The following KMT2C variants were observed in gnomAD, a reference collection of about 807,000 sequenced individuals.
KMT2C encodes the protein histone-lysine N-methyltransferase 2C.
A neutral mutation model predicts 507.9 loss-of-function variants in KMT2C; 88 were observed. The ratio of observed to expected loss-of-function variants is 0.17; its 90% CI spans 0.15 to 0.21. The LOEUF is 0.21. KMT2C is among the 10% of genes least tolerant of loss of function. The pLI is 1.00. For synonymous variants in KMT2C, 2,049 were observed against 2,080.8 expected (o/e 0.98, Z 0.42); for missense variants, 4,954 against 5,957.8 (o/e 0.83, Z 5.55).
intron 5 of KMT2C, 90 bp from the exon 6 acceptor site, chr7:152,310,165 C>T: frequency 1.2e-6 from 1 of 819,002 alleles, no homozygotes; most frequent in Non-Finnish European, 2.0e-6. Context: ...AAAATCAACT[C>T]TAATATGTAA....
At chr7:152,153,937 T>C (rs2091853545) in intron 48 of KMT2C, 73 bp downstream of exon 48, 3 of 1,434,340 alleles carry the variant, frequency 2.1e-6, no homozygotes, top group Admixed American at 3.5e-5. Context: ...GTGTGTTTTA[T>C]GGTAGACACC....
At chr7:152,247,125 C>T (rs1327727745) in intron 14 of KMT2C, among the ~76,000 whole-genome samples, 1 of 152,128 alleles carries the variant, frequency 6.6e-6, no homozygotes, top group African/African-American at 2.4e-5. Context: ...ATTAACACTT[C>T]TCCACTATTT....
chr7:152,223,231 C>T (rs2129147162), intron 20 of KMT2C, among the ~76,000 whole-genome samples: 1 of 151,814 alleles, frequency 6.6e-6, no homozygotes, highest in South Asian at 2.1e-4. Context: ...AAGAGTACAA[C>T]AATATACCAA....
At chr7:152,266,206 G>T (rs527719082) in intron 7 of KMT2C, among the ~76,000 whole-genome samples, 1 of 151,632 alleles carries the variant, frequency 6.6e-6, no homozygotes, top group South Asian at 2.1e-4. Flanking sequence ...ATATAAATAT[G>T]CCTGTATTTA....
At position 152,252,656 on chromosome 7, in the gene KMT2C, G is replaced by A. The variant is rs2095580004; in HGVS notation, c.1359C>T (p.Cys453=). The change falls in exon 10 of 59, where the codon TGC becomes TGT. Residue 453 remains cysteine (C), a synonymous_variant. Coordinates refer to ENST00000262189, the MANE Select transcript of KMT2C (RefSeq NM_170606.3). ...TRSSSQWHHN[C]LICDNCYQQQ... Reference sequence around the variant, plus strand: ...GTTGGTAACAATTGTCACATATCAGGCAATTGTGGTGCCACTGAGAACTAG... The same window carrying A: ...GTTGGTAACAATTGTCACATATCAGACAATTGTGGTGCCACTGAGAACTAG... 1 of 1,611,726 alleles carries A rather than the reference G, an allele frequency of 6.2e-7. No individual in the cohort carries two copies. The highest frequency in any genetic ancestry group is 1.7e-5 in the Admixed American group (1 of 59,952).
At position 152,249,786 on chromosome 7, in the gene KMT2C, A is replaced by G; in HGVS notation, c.1813+90T>C. On this transcript the variant is annotated intron_variant, in intron 13 of 58. Coordinates refer to ENST00000262189, the MANE Select transcript of KMT2C (RefSeq NM_170606.3). The stretch of plus-strand genomic sequence containing the variant: ...CTAAAAGATTTAGTTACCGTAATGT[A>G]TATACATACAGCAATCGCAAAAATG... The G allele has an allele frequency of 4.7e-6, 3 of 642,086 alleles. No individual in the cohort carries two copies. The East Asian group carries it at 9.2e-5, about 20-fold the overall frequency. 39.8% of individuals were successfully genotyped at this position (642,086 alleles called of 1,614,324 possible). A position where few individuals can be genotyped will look rare whatever the true frequency, so the allele number is the denominator to read the frequency against.
intron 1 of KMT2C, among the ~76,000 whole-genome samples, chr7:152,396,371 C>G (rs1308101306): frequency 2.0e-5 from 3 of 152,152 alleles, no homozygotes; most frequent in African/African-American, 7.2e-5. Flanking sequence ...GAGATAATAA[C>G]AGTAATTACT....
intron 6 of KMT2C, among the ~76,000 whole-genome samples, chr7:152,278,349 C>T (rs1200478568): frequency 6.6e-6 from 1 of 151,938 alleles, no homozygotes; most frequent in Non-Finnish European, 1.5e-5. Context: ...GGCCTGATCT[C>T]GGCTCACTGC....
intron 6 of KMT2C, among the ~76,000 whole-genome samples, chr7:152,299,875 G>A (rs573725908): frequency 1.3e-5 from 2 of 152,056 alleles, no homozygotes; most frequent in East Asian, 3.9e-4. Context: ...ATGCAAACAG[G>A]TTAAAATAAA....
intron 34 of KMT2C, among the ~76,000 whole-genome samples, chr7:152,184,147 T>C (rs917602101): frequency 2.7e-5 from 4 of 150,942 alleles, no homozygotes; most frequent in African/African-American, 9.8e-5. Context: ...ATCTGGATAT[T>C]TGAAACGTAT....
chr7:152,267,746 A>C (rs911153654), intron 7 of KMT2C, among the ~76,000 whole-genome samples: 1 of 152,198 alleles, frequency 6.6e-6, no homozygotes, highest in African/African-American at 2.4e-5. Flanking sequence ...CCTCTGTATA[A>C]ATTAAAACTC....
intron 31 of KMT2C, among the ~76,000 whole-genome samples, chr7:152,188,944 T>C (rs188539119): frequency 1.4e-3 from 207 of 152,234 alleles, no homozygotes; most frequent in African/African-American, 4.8e-3. Flanking sequence ...TTCTCTAAAT[T>C]AGTTTTGAGT....
rs543424301 is a variant in KMT2C at position 152,408,734 on chromosome 7, T to C, written c.161+26892A>G. ...CACTCCGTGCTCCCCCTGGGGTCTG[T>C]GGAAAAAACTCTCTTCCACAAAACT... On this transcript the variant is annotated intron_variant, in intron 1 of 58. Coordinates refer to ENST00000262189, the MANE Select transcript of KMT2C (RefSeq NM_170606.3). Among the ~76,000 whole-genome samples, 6 of 150,134 alleles carry C rather than the reference T, an allele frequency of 4.0e-5. No homozygotes were observed. In the East Asian group the frequency reaches 1.2e-3, roughly 30 times the overall value.
At position 152,224,792 on chromosome 7, in the gene KMT2C, T is replaced by C. The variant is rs565394497; in HGVS notation, c.2977-176A>G. 4.7e-4 allele frequency among the ~76,000 whole-genome samples: 72 copies of C among 152,356 alleles called. 1 individual carries two copies. The highest frequency in any genetic ancestry group is 1.7e-3 in the African/African-American group (71 of 41,572). ...GGTTGGGCATGTTCATACACGCTTT[T>C]AGAAGCCTACTGAGCAGAATAATAG... On this transcript the variant is annotated intron_variant, in intron 18 of 58. Transcript: ENST00000262189.
chr7:152,430,917 T>TA (rs1297154151), intron 1 of KMT2C, among the ~76,000 whole-genome samples: 1 of 152,128 alleles, frequency 6.6e-6, no homozygotes, highest in East Asian at 1.9e-4. Context: ...ATCATAAACT[T>TA]AAAGTGACTT....
intron 6 of KMT2C, among the ~76,000 whole-genome samples, chr7:152,303,211 A>G (rs1185491413): frequency 6.6e-6 from 1 of 152,200 alleles, no homozygotes; most frequent in Non-Finnish European, 1.5e-5. Context: ...AGAAAACAAA[A>G]TTGCTTGACA....
Position 152,194,058 on chromosome 7 carries a change from T to C in KMT2C, c.4611A>G (p.Pro1537=). ...VLSPANTQPT[P]LPQPPPPTQL... is the part of the protein sequence containing the mutation. ...GTGTTGGTGGGGGAGGCTGTGGCAATGGAGTTGGCTGAGTGTTCGCAGGAC... is the reference window on the plus strand; with the variant it reads ...GTGTTGGTGGGGGAGGCTGTGGCAACGGAGTTGGCTGAGTGTTCGCAGGAC... Residue 1537 remains proline (P), a synonymous_variant, in exon 31 of 59, where the codon CCA becomes CCG. Coordinates refer to ENST00000262189, the MANE Select transcript of KMT2C (RefSeq NM_170606.3). 6.3e-7 allele frequency: 1 copy of C among 1,591,138 alleles called. No homozygotes were observed. The highest frequency in any genetic ancestry group is 8.5e-7 in the Non-Finnish European group (1 of 1,172,850).
At chr7:152,235,207 G>GTATGTATA (rs950086494) in intron 16 of KMT2C, among the ~76,000 whole-genome samples, 1 of 142,424 alleles carries the variant, frequency 7.0e-6, no homozygotes, top group Non-Finnish European at 1.5e-5. Context: ...TTTCAAGGGT[G>GTATGTATA]TATATATATA....
intron 31 of KMT2C, among the ~76,000 whole-genome samples, chr7:152,192,685 C>T (rs948627097): frequency 6.6e-6 from 1 of 151,972 alleles, no homozygotes; most frequent in Non-Finnish European, 1.5e-5. Flanking sequence ...CTGGTAAAAA[C>T]ACAAATATTT....
Sources: allele counts gnomAD v4.1 joint callset (sites outside exome capture counted in the v4.1 genomes callset), GRCh38; gene constraint gnomAD v4.1.1; transcripts MANE v1.5; gene names NCBI Gene and HGNC (gene_info 2026-07-23, HGNC 2026-07-21).